Variants in PSMA1 observed in about 807,000 individuals in gnomAD.
PSMA1 encodes proteasome 20S subunit alpha 1.
A neutral mutation model predicts 38.4 loss-of-function variants in PSMA1; 3 were observed. That is an observed-to-expected ratio of 0.08 (90% confidence interval 0.04 to 0.20). PSMA1 has a LOEUF of 0.20. Ranked by LOEUF, PSMA1 falls within the 10% of genes least tolerant of loss-of-function variation. The pLI is 1.00. For missense variants in PSMA1, 227 were observed against 325.3 expected, an observed-to-expected ratio of 0.70 and a Z score of 2.32; for synonymous variants, 101 against 107.1, an observed-to-expected ratio of 0.94 and a Z score of 0.35.
At chr11:14,552,883 G>C (rs1033801507) in intron 2 of PSMA1, among the ~76,000 whole-genome samples, 4 of 138,714 alleles carry the variant, frequency 2.9e-5, no homozygotes, top group African/African-American at 8.2e-5. Flanking sequence ...GAGTGTAGTA[G>C]TGCTATTATC....
intron 1 of PSMA1, among the ~76,000 whole-genome samples, chr11:14,641,487 T>C (rs1429868423): frequency 6.6e-6 from 1 of 152,206 alleles, no homozygotes. Context: ...TTTAGTTAAG[T>C]AAACTTCTGA....
At chr11:14,521,020 C>T (rs1851519226), upstream of PSMA1, among the ~76,000 whole-genome samples, 1 of 152,182 alleles carries the variant, frequency 6.6e-6, no homozygotes, top group Non-Finnish European at 1.5e-5. Flanking sequence ...TAATGTCTTT[C>T]TATGCCCCCA....
chr11:14,624,549 G>A (rs1388210704), intron 1 of PSMA1, among the ~76,000 whole-genome samples: 1 of 152,148 alleles, frequency 6.6e-6, no homozygotes, highest in Non-Finnish European at 1.5e-5. Flanking sequence ...GGTCCCGAGA[G>A]GGAGTGCACT....
At chr11:14,587,445 C>T (rs1852360835) in intron 2 of PSMA1, among the ~76,000 whole-genome samples, 1 of 152,174 alleles carries the variant, frequency 6.6e-6, no homozygotes. Flanking sequence ...CCAGTGTCAC[C>T]CTTGCAACAA....
At chr11:14,587,003 G>C (rs577843460) in intron 2 of PSMA1, among the ~76,000 whole-genome samples, 1 of 152,000 alleles carries the variant, frequency 6.6e-6, no homozygotes, top group East Asian at 1.9e-4. Flanking sequence ...CTCGTGATCC[G>C]CCTGCCTCGG....
chr11:14,531,922 T>G (rs1851651242), intron 2 of PSMA1, among the ~76,000 whole-genome samples: 1 of 152,182 alleles, frequency 6.6e-6, no homozygotes, highest in Admixed American at 6.5e-5. Flanking sequence ...ATGTATTACC[T>G]TCTCCCGCTC....
chr11:14,634,028 G>A (rs1041082849), intron 1 of PSMA1, among the ~76,000 whole-genome samples: 9 of 152,198 alleles, frequency 5.9e-5, no homozygotes, highest in East Asian at 1.9e-4. Flanking sequence ...ACTGACCTGC[G>A]CCCACTGTCT....
intron 8 of PSMA1, among the ~76,000 whole-genome samples, chr11:14,508,205 T>C (rs1469639197): frequency 6.6e-6 from 1 of 152,204 alleles, no homozygotes; most frequent in African/African-American, 2.4e-5. Context: ...CCCCTTCTTT[T>C]AGACACTTCT....
intron 8 of PSMA1, among the ~76,000 whole-genome samples, chr11:14,509,425 C>T (rs1445797748): frequency 6.6e-6 from 1 of 152,034 alleles, no homozygotes; most frequent in African/African-American, 2.4e-5. Flanking sequence ...TCATCTCTCA[C>T]ATAATTACCT....
intron 1 of PSMA1, among the ~76,000 whole-genome samples, chr11:14,636,343 CT>C (rs1030516417): frequency 3.3e-5 from 5 of 152,102 alleles, no homozygotes; most frequent in African/African-American, 1.2e-4. Flanking sequence ...TTTTGTCCCC[CT>C]TCTGGAAACT....
intron 2 of PSMA1, among the ~76,000 whole-genome samples, chr11:14,548,523 TATCAAGTGTGC>T (rs1474646531): frequency 6.6e-6 from 1 of 152,224 alleles, no homozygotes; most frequent in African/African-American, 2.4e-5. Context: ...GGTGTACAAG[TATCAAGTGTGC>T]ATATCTCTTC....
chr11:14,598,801 T>A (rs924881296), intron 2 of PSMA1, among the ~76,000 whole-genome samples: 6 of 151,778 alleles, frequency 4.0e-5, no homozygotes, highest in African/African-American at 1.5e-4. Context: ...TAGCTGGTTA[T>A]TTTGCTCATT....
intron 2 of PSMA1, among the ~76,000 whole-genome samples, chr11:14,581,016 T>C (rs1482045987): frequency 6.6e-6 from 1 of 152,154 alleles, no homozygotes; most frequent in Non-Finnish European, 1.5e-5. Flanking sequence ...CAGGGAGCTA[T>C]GTAGTTATGG....
intron 8 of PSMA1, among the ~76,000 whole-genome samples, chr11:14,508,214 C>CTA (rs537084722): frequency 1.6e-4 from 25 of 152,266 alleles, no homozygotes; most frequent in African/African-American, 5.8e-4. Context: ...TTAGACACTT[C>CTA]TAACATTCTC....
chr11:14,541,440 G>C (rs1851772196), intron 2 of PSMA1, among the ~76,000 whole-genome samples: 2 of 152,192 alleles, frequency 1.3e-5, no homozygotes, highest in Non-Finnish European at 2.9e-5. Context: ...AGAACTGGGG[G>C]AGCTCTGCTC....
chr11:14,628,820 C>T (rs1852957427), intron 1 of PSMA1, among the ~76,000 whole-genome samples: 1 of 146,592 alleles, frequency 6.8e-6, no homozygotes, highest in East Asian at 2.0e-4. Flanking sequence ...ACATCCTCTC[C>T]AGCACCTGTT....
intron 2 of PSMA1, among the ~76,000 whole-genome samples, chr11:14,570,039 T>G (rs1852119406): frequency 6.6e-6 from 1 of 152,126 alleles, no homozygotes; most frequent in African/African-American, 2.4e-5. Context: ...ACAGCAACAT[T>G]TGCTGTTCTG....
intron 2 of PSMA1, among the ~76,000 whole-genome samples, chr11:14,570,232 G>T (rs1397493305): frequency 6.6e-6 from 1 of 152,070 alleles, no homozygotes; most frequent in Admixed American, 6.5e-5. Context: ...AAAGACCAAA[G>T]GTAGATAAAA....
intron 2 of PSMA1, among the ~76,000 whole-genome samples, chr11:14,579,360 T>C (rs574633430): frequency 6.6e-6 from 1 of 152,194 alleles, no homozygotes; most frequent in Non-Finnish European, 1.5e-5. Context: ...TTCATCTTCA[T>C]ATGGCCTTTC....
Sources: allele counts gnomAD v4.1 joint callset (sites outside exome capture counted in the v4.1 genomes callset), GRCh38; gene constraint gnomAD v4.1.1; transcripts MANE v1.5; gene names NCBI Gene and HGNC (gene_info 2026-07-23, HGNC 2026-07-21).